PNP: variants seen among roughly 807,000 people sequenced by gnomAD.
The protein encoded by PNP is purine nucleoside phosphorylase, also known as HEL-S-156an.
PNP carries 18 observed loss-of-function variants against 26.8 expected under a neutral mutation model. The observed-to-expected ratio is 0.67, with a 90% CI of 0.46 to 1.00. PNP has a LOEUF of 1.00. PNP is among the 50% of genes least tolerant of loss of function. The probability of loss-of-function intolerance (pLI) is 0.00; values close to 1 mark genes in which losing one functional copy is unlikely to be tolerated. For missense variants in PNP, 320 were observed against 362.9 expected (o/e 0.88, Z 0.96); for synonymous variants, 116 against 124.8 (o/e 0.93, Z 0.47).
chr14:20,474,415 GAT>G (rs1882051677), intron 2 of PNP, 55 bp from the exon 3 acceptor site: 2 of 1,412,676 alleles, frequency 1.4e-6, no homozygotes, highest in Non-Finnish European at 2.0e-6. Flanking sequence ...GTGCTTAATG[GAT>G]ATGTGTTGCA....
In PNP at chr14:20,475,151, A is replaced by G. The variant is rs1380563002; in HGVS notation, c.551A>G (p.Gln184Arg). 30 of 1,614,096 alleles carry G rather than the reference A, an allele frequency of 1.9e-5. No individual in the cohort carries two copies. The highest frequency in any genetic ancestry group is 3.3e-5 in the Admixed American group (2 of 60,004). The change falls in exon 5 of 6, where the codon CAA becomes CGA. Residue 184 changes from glutamine (Q) to arginine (R), a missense_variant. Coordinates refer to ENST00000361505, the MANE Select transcript of PNP (RefSeq NM_000270.4). ...AGTACCTGGAAACAAATGGGGGAGCAACGTGAGCTACAGGAAGGCACCTAT... is the reference window on the plus strand; with the variant it reads ...AGTACCTGGAAACAAATGGGGGAGCGACGTGAGCTACAGGAAGGCACCTAT... Reference protein sequence around the residue: ...ALSTWKQMGEQRELQEGTYVM... With the variant: ...ALSTWKQMGERRELQEGTYVM...
intron 1 of PNP, among the ~76,000 whole-genome samples, chr14:20,471,121 C>G (rs1300375647): frequency 6.6e-6 from 1 of 151,622 alleles, no homozygotes; most frequent in Non-Finnish European, 1.5e-5. Flanking sequence ...ACCTCTGCCT[C>G]CCGGGTTCAC....
chr14:20,469,840 A>G lies in PNP; in HGVS notation c.11+305A>G, dbSNP rs1881949412. The G allele has an allele frequency of 5.1e-6, 3 of 587,754 alleles. No homozygotes were observed. In the South Asian group the frequency reaches 5.9e-5, roughly 12 times the overall value. The allele number at this position is 587,754 out of a possible 1,614,324, so 36.4% of individuals were successfully genotyped here. A position where few individuals can be genotyped will look rare whatever the true frequency, so the allele number is the denominator to read the frequency against. On this transcript the variant is annotated intron_variant, in intron 1 of 5. Coordinates refer to ENST00000361505, the MANE Select transcript of PNP (RefSeq NM_000270.4). The stretch of plus-strand genomic sequence containing the variant: ...TGTGTCTCCGTGTGTGTGTTAGGGG[A>G]ACAAGTGGAGAGTGAGTATATGTAT...
chr14:20,474,459 G>T lies in PNP; in HGVS notation c.182-13G>T. ...TATAATCCCATTCATTTCTCTTTCT[G>T]TTTTGTATACAGTGCCAGGTCATGC... On this transcript the variant is annotated splice_polypyrimidine_tract_variant and intron_variant, in intron 2 of 5. Coordinates refer to ENST00000361505, the MANE Select transcript of PNP (RefSeq NM_000270.4). 2 of 1,610,094 alleles carry T rather than the reference G, an allele frequency of 1.2e-6. No individual in the cohort carries two copies. The highest frequency in any genetic ancestry group is 1.7e-6 in the Non-Finnish European group (2 of 1,176,344).
chr14:20,470,242 G>A (rs1881959869), intron 1 of PNP, among the ~76,000 whole-genome samples: 1 of 152,254 alleles, frequency 6.6e-6, no homozygotes, highest in Non-Finnish European at 1.5e-5. Flanking sequence ...GGGAGCCAGG[G>A]TGTTCTTGAG....
chr14:20,471,929 C>T (rs1333588638), intron 1 of PNP, among the ~76,000 whole-genome samples: 3 of 152,162 alleles, frequency 2.0e-5, no homozygotes, highest in Non-Finnish European at 4.4e-5. Context: ...TTTACCCTCC[C>T]TAATTTGATT....
chr14:20,476,508 AGTCTTAG>A lies in PNP; in HGVS notation c.778_784del (p.Val260GlnfsTer60). ...GCCTGGAGAAGGCCAACCATGAAGA[AGTCTTAG>A]CAGCTGGCAAACAAGCTGCACAGAA... is the stretch of plus-strand genomic sequence containing the variant. On this transcript the variant is annotated frameshift_variant, in exon 6 of 6. Coordinates refer to ENST00000361505, the MANE Select transcript of PNP (RefSeq NM_000270.4). LOFTEE classifies it low-confidence loss of function (END_TRUNC). 6.2e-7 allele frequency: 1 copy of A among 1,614,204 alleles called. No homozygotes were observed. Among genetic ancestry groups the A allele is most frequent in the Non-Finnish European group, 8.5e-7 (1 of 1,180,040 alleles).
chr14:20,472,505 G>A (rs1882009375), intron 2 of PNP, 28 bp downstream of exon 2: 1 of 1,604,022 alleles, frequency 6.2e-7, no homozygotes, highest in Admixed American at 1.7e-5. Flanking sequence ...TGGGGAATGG[G>A]ACTGAGGGAT....
At chr14:20,473,006 G>A (rs1158622934) in intron 2 of PNP, 1 of 163,702 alleles carries the variant, frequency 6.1e-6, no homozygotes, top group African/African-American at 2.4e-5. Context: ...TAGTGACGCT[G>A]GCTCCACTGG....
chr14:20,472,530 G>A (rs758461947), intron 2 of PNP, 53 bp downstream of exon 2: 3 of 1,546,520 alleles, frequency 1.9e-6, no homozygotes, highest in South Asian at 2.2e-5. Flanking sequence ...TTGGAATTCT[G>A]TGGAACACAA....
rs1713429 is a variant in PNP at position 20,471,175 on chromosome 14, G to T, written c.12-1133G>T. ...CCTCCCGTGTAGCTAGGACTACAGG[G>T]GCCCGCCACCACGCCCGGCTAATTT... is the stretch of plus-strand genomic sequence containing the variant. On this transcript the variant is annotated intron_variant, in intron 1 of 5. Coordinates refer to ENST00000361505, the MANE Select transcript of PNP (RefSeq NM_000270.4). 6.7e-3 allele frequency among the ~76,000 whole-genome samples: 998 copies of T among 148,684 alleles called. 12 individuals are homozygous for T. Among genetic ancestry groups the T allele is most frequent in the African/African-American group, 0.024 (952 of 40,058 alleles).
In PNP at chr14:20,471,410, T is replaced by TTG. The variant is rs763154191; in HGVS notation, c.12-878_12-877dup. 6.2e-3 allele frequency among the ~76,000 whole-genome samples: 921 copies of TTG among 149,080 alleles called. 5 individuals carry two copies. The highest frequency in any genetic ancestry group is 8.3e-3 in the Non-Finnish European group (559 of 67,042). On this transcript the variant is annotated intron_variant, in intron 1 of 5. Transcript: ENST00000361505. ...TCAGAATCTGTTTTTTGTGGGGGTT[T>TTG]TGTGTGTGTGTGTGTGTGTGTTTTT... is the stretch of plus-strand genomic sequence containing the variant.
In PNP at chr14:20,476,793, C is replaced by T. The variant is rs1404445019; in HGVS notation, c.*192C>T. On this transcript the variant is annotated 3_prime_UTR_variant, in exon 6 of 6. Coordinates refer to ENST00000361505, the MANE Select transcript of PNP (RefSeq NM_000270.4). ...GATCCTCTTCTCAAAGCTGGGATTA[C>T]AGGTGTGAGCATAGTGAGACCTTGG... is the stretch of plus-strand genomic sequence containing the variant. 4 of 643,258 alleles carry T rather than the reference C, an allele frequency of 6.2e-6. No individual in the cohort carries two copies. The highest frequency in any genetic ancestry group is 3.6e-5 in the African/African-American group (2 of 55,368). 39.8% of individuals were successfully genotyped at this position (643,258 alleles called of 1,614,324 possible).
intron 2 of PNP, 180 bp downstream of exon 2, chr14:20,472,657 C>T: frequency 1.4e-6 from 1 of 698,542 alleles, no homozygotes. Flanking sequence ...CTCTAGCAGA[C>T]ATCCCATAAG....
chr14:20,472,206 G>A, intron 1 of PNP, 102 bp from the exon 2 acceptor site: 1 of 944,718 alleles, frequency 1.1e-6, no homozygotes, highest in Admixed American at 1.7e-5. Flanking sequence ...CTCCGTCCCT[G>A]CTGCCTCAGT....
intron 5 of PNP, 22 bp from the exon 6 acceptor site, chr14:20,476,362 T>C (rs1882111414): frequency 5.1e-6 from 8 of 1,567,478 alleles, no homozygotes; most frequent in East Asian, 2.2e-5. Flanking sequence ...TGACAGTTGG[T>C]TTCCATCTTT....
chr14:20,472,649 C>G, intron 2 of PNP, 172 bp downstream of exon 2: 1 of 708,060 alleles, frequency 1.4e-6, no homozygotes. Context: ...GGAGATGCCT[C>G]TAGCAGACAT....
At chr14:20,475,719 C>T (rs1419773902) in intron 5 of PNP, among the ~76,000 whole-genome samples, 1 of 152,066 alleles carries the variant, frequency 6.6e-6, no homozygotes, top group Non-Finnish European at 1.5e-5. Flanking sequence ...CTCGCGACCT[C>T]AGGTAATCCG....
Position 20,471,700 on chromosome 14 carries a change from C to G in PNP, c.12-608C>G, listed in dbSNP as rs970720809. Among the ~76,000 whole-genome samples, 3 of 152,184 alleles carry G rather than the reference C, an allele frequency of 2.0e-5. No individual in the cohort carries two copies. The East Asian group carries it at 5.8e-4, about 29-fold the overall frequency. ...GGTTAAAACAAAAAAGAAATGTAGC[C>G]CTTAAGTCTTTGGCTGAGGAAGGAA... On this transcript the variant is annotated intron_variant, in intron 1 of 5. Transcript: ENST00000361505.
Sources: gnomAD v4.1 joint callset for allele counts (sites outside exome capture counted in the v4.1 genomes callset) on GRCh38, gnomAD v4.1.1 for gene constraint, MANE v1.5 for transcripts, NCBI Gene and HGNC (gene_info 2026-07-23, HGNC 2026-07-21) for gene names.